The following ALG1 variants were observed in gnomAD, a reference collection of about 807,000 sequenced individuals.
The protein encoded by ALG1 is chitobiosyldiphosphodolichol beta-mannosyltransferase.
Under a neutral mutation model 55.1 loss-of-function variants are expected in ALG1, and 58 were observed. That is an observed-to-expected ratio of 1.05 (90% CI 0.85 to 1.31). The LOEUF (loss-of-function observed/expected upper bound fraction) is 1.31. Ranked by LOEUF, ALG1 falls within the 50% of genes most tolerant of loss-of-function variation. ALG1 has a pLI of 0.00. For missense variants in ALG1, 761 were observed against 598.6 expected (o/e 1.27, Z -2.83); for synonymous variants, 309 against 247.0 (o/e 1.25, Z -2.35).
intron 3 of ALG1, among the ~76,000 whole-genome samples, chr16:5,074,325 T>G (rs1956870192): frequency 6.6e-6 from 1 of 151,828 alleles, no homozygotes; most frequent in Admixed American, 6.6e-5. Flanking sequence ...TTTGTAATTT[T>G]TTTTAGTAGA....
At chr16:5,080,166 C>G (rs562784408) in intron 9 of ALG1, among the ~76,000 whole-genome samples, 101 of 149,978 alleles carry the variant, frequency 6.7e-4, no homozygotes, top group African/African-American at 2.4e-3. Flanking sequence ...CTCCCACATT[C>G]AAGCAATTCT....
At position 5,081,016 on chromosome 16, in the gene ALG1, C is replaced by T. The variant is rs745523769; in HGVS notation, c.1032C>T (p.Cys344=). ...AGCACTTCCAGCACATCCAGGTCTG[C>T]ACCCCCTGGCTGGAGGCCGAGGACT... ...HQKHFQHIQV[C]TPWLEAEDYP... The change falls in exon 10 of 13, where the codon TGC becomes TGT. Residue 344 remains cysteine (C), a synonymous_variant. Coordinates refer to ENST00000262374, the MANE Select transcript of ALG1 (RefSeq NM_019109.5). 4.4e-6 allele frequency: 7 copies of T among 1,596,238 alleles called. No individual in the cohort carries two copies. The South Asian group carries it at 6.6e-5, about 15-fold the overall frequency.
Position 5,077,989 on chromosome 16 carries a change from G to C in ALG1, c.712G>C (p.Gly238Arg). 1 of 1,601,390 alleles carries C rather than the reference G, an allele frequency of 6.2e-7. No homozygotes were observed. The highest frequency in any genetic ancestry group is 2.2e-5 in the East Asian group (1 of 44,876). ...DLQHRLFMKL[G>R]SMHSPFRARS... ...GCAGCACCGGCTCTTCATGAAGCTGGGCAGCATGCACTCTCCGTTCAGGGC... is the reference window on the plus strand; with the variant it reads ...GCAGCACCGGCTCTTCATGAAGCTGCGCAGCATGCACTCTCCGTTCAGGGC... Residue 238 changes from glycine (G) to arginine (R), a missense_variant, in exon 6 of 13, where the codon GGC becomes CGC. Gly to Arg is a moderately radical substitution (Grantham distance 125). Coordinates refer to ENST00000262374, the MANE Select transcript of ALG1 (RefSeq NM_019109.5).
intron 8 of ALG1, 77 bp from the exon 9 acceptor site, chr16:5,079,670 CA>C: frequency 6.6e-7 from 1 of 1,507,320 alleles, no homozygotes; most frequent in Non-Finnish European, 9.2e-7. Context: ...GCCTGGGTGA[CA>C]GAGTGAGAGT....
At chr16:5,079,191 C>G in intron 8 of ALG1, 89 bp downstream of exon 8, 1 of 1,527,852 alleles carries the variant, frequency 6.5e-7, no homozygotes, top group Non-Finnish European at 8.8e-7. Context: ...ATGTTCCTGT[C>G]CCAGGCCACT....
intron 10 of ALG1, among the ~76,000 whole-genome samples, chr16:5,081,596 C>T (rs79285890): frequency 0.069 from 10,553 of 152,234 alleles, 365 homozygotes; most frequent in East Asian, 0.096. Flanking sequence ...TAGACAGTCT[C>T]GCTCCGTTGC....
At chr16:5,076,863 C>T (rs765681745) in intron 4 of ALG1, among the ~76,000 whole-genome samples, 6 of 146,444 alleles carry the variant, frequency 4.1e-5, no homozygotes, top group East Asian at 2.0e-4. Flanking sequence ...GGCGCCATCT[C>T]GGCTCACTGC....
chr16:5,080,254 AG>A (rs1956994033), intron 9 of ALG1, among the ~76,000 whole-genome samples: 1 of 151,900 alleles, frequency 6.6e-6, no homozygotes, highest in South Asian at 2.1e-4. Flanking sequence ...TAGTAGAGAC[AG>A]GGTTTCACCA....
intron 1 of ALG1, 43 bp from the exon 2 acceptor site, chr16:5,072,908 T>G (rs1319031816): frequency 6.4e-7 from 1 of 1,558,500 alleles, no homozygotes; most frequent in South Asian, 1.1e-5. Flanking sequence ...TGACTTTAGA[T>G]TGCTGCTTCT....
intron 7 of ALG1, 59 bp from the exon 8 acceptor site, chr16:5,079,005 G>C (rs1956966942): frequency 1.2e-6 from 2 of 1,601,772 alleles, no homozygotes; most frequent in Admixed American, 1.7e-5. Flanking sequence ...GGGAGGGCCT[G>C]TGAGCTGGAA....
intron 10 of ALG1, 54 bp downstream of exon 10, chr16:5,081,110 G>GA: frequency 5.8e-6 from 3 of 519,952 alleles, no homozygotes; most frequent in African/African-American, 2.0e-5. Flanking sequence ...GGGTGGGCGG[G>GA]ATGTACTTTT....
At chr16:5,083,066 C>A (rs1199800548) in intron 11 of ALG1, among the ~76,000 whole-genome samples, 1 of 152,166 alleles carries the variant, frequency 6.6e-6, no homozygotes, top group East Asian at 1.9e-4. Context: ...TCTCTCCCAC[C>A]ATGTCCCTTT....
rs775847835 is a variant in ALG1 at position 5,077,972 on chromosome 16, G to A, written c.695G>A (p.Arg232Gln). ...GAGACACCTCTGGACCTGCAGCACC[G>A]GCTCTTCATGAAGCTGGGCAGCATG... ...FKETPLDLQH[R>Q]LFMKLGSMHS... is the part of the protein sequence containing the mutation. Residue 232 changes from arginine (R) to glutamine (Q), a missense_variant, in exon 6 of 13, where the codon CGG becomes CAG. Coordinates refer to ENST00000262374, the MANE Select transcript of ALG1 (RefSeq NM_019109.5). 25 of 1,603,584 alleles carry A rather than the reference G, an allele frequency of 1.6e-5. 1 individual carries two copies. Among genetic ancestry groups the A allele is most frequent in the South Asian group, 1.2e-4 (11 of 90,986 alleles).
At chr16:5,084,500 G>C (rs540579534) in intron 12 of ALG1, 2 of 636,022 alleles carry the variant, frequency 3.1e-6, no homozygotes, top group Admixed American at 2.6e-5. Flanking sequence ...TGGGCAGCAC[G>C]TAGAGGCCGG....
Position 5,075,543 on chromosome 16 carries a change from G to A in ALG1, c.539+7G>A, listed in dbSNP as rs531205132. Reference sequence around the variant, plus strand: ...TCGTTCTGCTGGCCAAGTGGTGAGAGTCTAGGAAGAGGGTAAAATACCGTC... The same window carrying A: ...TCGTTCTGCTGGCCAAGTGGTGAGAATCTAGGAAGAGGGTAAAATACCGTC... On this transcript the variant is annotated splice_region_variant and intron_variant, in intron 4 of 12. Coordinates refer to ENST00000262374, the MANE Select transcript of ALG1 (RefSeq NM_019109.5). 1 of 1,614,052 alleles carries A rather than the reference G, an allele frequency of 6.2e-7. No homozygotes were observed. Among genetic ancestry groups the A allele is most frequent in the Admixed American group, 1.7e-5 (1 of 60,026 alleles).
intron 8 of ALG1, 113 bp from the exon 9 acceptor site, chr16:5,079,635 G>A: frequency 8.0e-7 from 1 of 1,249,442 alleles, no homozygotes; most frequent in Non-Finnish European, 1.2e-6. Context: ...GTTGCAGTGA[G>A]CTGAGATCGC....
intron 11 of ALG1, 31 bp downstream of exon 11, chr16:5,082,704 T>G: frequency 1.9e-6 from 3 of 1,608,848 alleles, no homozygotes; most frequent in Non-Finnish European, 2.5e-6. Context: ...CTTCTGGGGA[T>G]AGCTTTGCAG....
intron 1 of ALG1, 34 bp downstream of exon 1, chr16:5,072,091 C>T (rs1189975032): frequency 5.2e-6 from 8 of 1,552,636 alleles, no homozygotes; most frequent in Non-Finnish European, 7.0e-6. Flanking sequence ...GGACGATGCT[C>T]TCTCAGCCGT....
At chr16:5,079,143 G>T in intron 8 of ALG1, 41 bp downstream of exon 8, 9 of 1,590,704 alleles carry the variant, frequency 5.7e-6, no homozygotes, top group Non-Finnish European at 7.6e-6. Context: ...GGCTTGTCGG[G>T]GGCCACTGAG....
Sources: gnomAD v4.1 joint callset for allele counts (sites outside exome capture counted in the v4.1 genomes callset) on GRCh38, gnomAD v4.1.1 for gene constraint, MANE v1.5 for transcripts, NCBI Gene and HGNC (gene_info 2026-07-23, HGNC 2026-07-21) for gene names.